ROMO1: variants seen among roughly 807,000 people sequenced by gnomAD.
ROMO1 encodes the protein PCM19.
In ROMO1, 8 loss-of-function variants were observed where a neutral mutation model predicts 7.4. That is an observed-to-expected ratio of 1.08 (90% CI 0.63 to 1.95). The LOEUF (loss-of-function observed/expected upper bound fraction) is 1.95, where lower values mean the gene tolerates loss of function less well. Among genes scored for constraint, ROMO1 ranks in the 30% most tolerant of loss-of-function variants. The pLI, the probability that ROMO1 is intolerant of heterozygous loss-of-function variation, is 0.00. For missense variants in ROMO1, 91 were observed against 115.9 expected (o/e 0.79, Z 0.99); for synonymous variants, 43 against 41.4 (o/e 1.04, Z -0.15).
rs1362837408 is a variant in ROMO1 at position 35,700,909 on chromosome 20, A to T, written c.*3A>T. The T allele has an allele frequency of 6.2e-7, 1 of 1,602,952 alleles. No homozygotes were observed. Among genetic ancestry groups the T allele is most frequent in the Non-Finnish European group, 8.5e-7 (1 of 1,169,808 alleles). On this transcript the variant is annotated 3_prime_UTR_variant, in exon 3 of 3. Transcript: ENST00000374077. Reference sequence around the variant, plus strand: ...TTGGGATGGGCATCCGATGCTAACCATGGTTGCCAACTACATCTGTCCCTT... The same window carrying T: ...TTGGGATGGGCATCCGATGCTAACCTTGGTTGCCAACTACATCTGTCCCTT...
rs1458476210 is a variant in ROMO1 at position 35,699,446 on chromosome 20, A to G, written c.-11A>G. 8.5e-7 allele frequency: 1 copy of G among 1,171,188 alleles called. No homozygotes were observed. The highest frequency in any genetic ancestry group is 1.2e-6 in the Non-Finnish European group (1 of 854,664). 72.5% of individuals were successfully genotyped at this position (1,171,188 alleles called of 1,614,324 possible). On this transcript the variant is annotated 5_prime_UTR_variant, in exon 1 of 3. Transcript: ENST00000374077. The surrounding 1 kb of genome is among the most constrained non-coding windows in gnomAD (Gnocchi z 4.4). ...GTAGAGCTGAGCGACCCAGCCCGCGAGCGAGGTGAGGTAGGCGCCGGGCGA... is the reference window on the plus strand; with the variant it reads ...GTAGAGCTGAGCGACCCAGCCCGCGGGCGAGGTGAGGTAGGCGCCGGGCGA...
chr20:35,700,592 C>T (rs1167522917), intron 2 of ROMO1, among the ~76,000 whole-genome samples: 1 of 152,312 alleles, frequency 6.6e-6, no homozygotes, highest in East Asian at 1.9e-4. Flanking sequence ...GTTAATACGA[C>T]ATCCACCAGA....
At chr20:35,700,016 G>A (rs1485367949) in intron 2 of ROMO1, among the ~76,000 whole-genome samples, 1 of 152,224 alleles carries the variant, frequency 6.6e-6, no homozygotes, top group Non-Finnish European at 1.5e-5. Context: ...GCAAGTTGGA[G>A]ACTGGGTTTC....
At position 35,700,964 on chromosome 20, in the gene ROMO1, AAG is replaced by A; in HGVS notation, c.*60_*61del. ...TCAATCCCAGCCCATGTACTAATAA[AAG>A]AAAGTCTTTGAGTAGTCAGTGTCCC... On this transcript the variant is annotated 3_prime_UTR_variant, in exon 3 of 3. Transcript: ENST00000374077. The A allele has an allele frequency of 8.0e-7, 1 of 1,254,260 alleles. No individual in the cohort carries two copies. The highest frequency in any genetic ancestry group is 1.5e-5 in the African/African-American group (1 of 68,228). The allele number at this position is 1,254,260 out of a possible 1,614,324, so 77.7% of individuals were successfully genotyped here.
chr20:35,700,676 G>GT (rs2035247647), intron 2 of ROMO1, 122 bp from the exon 3 acceptor site: 2 of 738,766 alleles, frequency 2.7e-6, no homozygotes, highest in Non-Finnish European at 4.9e-6. Context: ...ATAATATCCA[G>GT]TAAGTGGAAA....
intron 2 of ROMO1, 97 bp from the exon 3 acceptor site, chr20:35,700,701 T>A: frequency 2.3e-6 from 2 of 876,274 alleles, no homozygotes; most frequent in Non-Finnish European, 3.9e-6. Context: ...GATGTAGGGG[T>A]TGCTAGACTA....
intron 2 of ROMO1, among the ~76,000 whole-genome samples, chr20:35,700,597 A>G (rs1003686803): frequency 2.0e-5 from 3 of 152,174 alleles, no homozygotes; most frequent in Admixed American, 1.3e-4. Context: ...TACGACATCC[A>G]CCAGAAAAAT....
At chr20:35,700,641 C>T (rs2035246340) in intron 2 of ROMO1, 157 bp from the exon 3 acceptor site, 2 of 647,260 alleles carry the variant, frequency 3.1e-6, no homozygotes, top group Admixed American at 2.4e-5. Flanking sequence ...TTTTCCTTCT[C>T]ATTACCCACC....
chr20:35,700,122 C>T (rs2035230332), intron 2 of ROMO1, among the ~76,000 whole-genome samples: 1 of 152,148 alleles, frequency 6.6e-6, no homozygotes, highest in African/African-American at 2.4e-5. Flanking sequence ...ATTAAGTGCT[C>T]AGTAACTAGT....
chr20:35,699,424 G>A lies in ROMO1; in HGVS notation c.-33G>A. 5.0e-6 allele frequency: 6 copies of A among 1,189,392 alleles called. No homozygotes were observed. Among genetic ancestry groups the A allele is most frequent in the South Asian group, 1.6e-5 (1 of 63,942 alleles). 73.7% of individuals were successfully genotyped at this position (1,189,392 alleles called of 1,614,324 possible). A position where few individuals can be genotyped will look rare whatever the true frequency, so the allele number is the denominator to read the frequency against. ...CCCGTCGTTTTCCGTGAGAGACGTA[G>A]AGCTGAGCGACCCAGCCCGCGAGCG... On this transcript the variant is annotated 5_prime_UTR_variant, in exon 1 of 3. Transcript: ENST00000374077. The surrounding 1 kb of genome is among the most constrained non-coding windows in gnomAD (Gnocchi z 4.4).
Position 35,699,958 on chromosome 20 carries a change from G to C in ROMO1, c.131+195G>C, listed in dbSNP as rs942795187. ...TCAGTGCTTAAGAATTTGAGCTTTA[G>C]AGTCAAAATGCTTTCTGGCCCTTTT... On this transcript the variant is annotated intron_variant, in intron 2 of 2. Transcript: ENST00000374077. This position sits in a 1 kb window ranked among gnomAD's most constrained non-coding sequence, Gnocchi z 4.4. Among the ~76,000 whole-genome samples the C allele has an allele frequency of 1.3e-5, 2 of 152,224 alleles. No homozygotes were observed. The highest frequency in any genetic ancestry group is 4.8e-5 in the African/African-American group (2 of 41,452).
intron 2 of ROMO1, among the ~76,000 whole-genome samples, chr20:35,700,304 T>C (rs6060566): frequency 0.19 from 28,433 of 152,104 alleles, 3,060 homozygotes; most frequent in African/African-American, 0.31. Context: ...TTGTAAATTA[T>C]CATTTACAGA....
In ROMO1 at chr20:35,700,848, T is replaced by G; in HGVS notation, c.182T>G (p.Met61Arg). The change falls in exon 3 of 3, where the codon ATG (methionine) becomes AGG (arginine). Residue 61 changes from methionine to arginine, a missense_variant. Coordinates refer to ENST00000374077, the MANE Select transcript of ROMO1 (RefSeq NM_080748.3). ...ELMGGIGKTM[M>R]QSGGTFGTFM... ...ATGGGCGGCATTGGGAAAACCATGATGCAGAGTGGCGGCACCTTTGGCACA... is the reference window on the plus strand; with the variant it reads ...ATGGGCGGCATTGGGAAAACCATGAGGCAGAGTGGCGGCACCTTTGGCACA... 1 of 1,614,248 alleles carries G rather than the reference T, an allele frequency of 6.2e-7. No homozygotes were observed. Among genetic ancestry groups the G allele is most frequent in the Non-Finnish European group, 8.5e-7 (1 of 1,180,038 alleles).
intron 2 of ROMO1, among the ~76,000 whole-genome samples, chr20:35,700,108 A>G (rs1479144348): frequency 6.6e-6 from 1 of 152,220 alleles, no homozygotes; most frequent in African/African-American, 2.4e-5. Flanking sequence ...AGCATCTGGC[A>G]CATATTAAGT....
rs765985513 is a variant in ROMO1 at position 35,699,651 on chromosome 20, C to A, written c.19C>A (p.Pro7Thr). Reference protein sequence around the residue: MPVAVGPYGQSQPSCFD... With the variant: MPVAVGTYGQSQPSCFD... ...CCCGCAGATGCCGGTGGCCGTGGGTCCCTACGGACAGTCCCAGCCAAGCTG... is the reference window on the plus strand; with the variant it reads ...CCCGCAGATGCCGGTGGCCGTGGGTACCTACGGACAGTCCCAGCCAAGCTG... Residue 7 changes from proline (P) to threonine (T), a missense_variant, in exon 2 of 3, where the codon CCC becomes ACC. By Grantham distance (38) the Pro-to-Thr change is conservative (BLOSUM62 -1). Coordinates refer to ENST00000374077, the MANE Select transcript of ROMO1 (RefSeq NM_080748.3). The surrounding 1 kb of genome is among the most constrained non-coding windows in gnomAD (Gnocchi z 4.4). 76 of 1,613,402 alleles carry A rather than the reference C, an allele frequency of 4.7e-5. No individual in the cohort carries two copies. The Admixed American group carries it at 1.2e-3, about 25-fold the overall frequency.
At position 35,699,637 on chromosome 20, in the gene ROMO1, C is replaced by T. The variant is rs761344222; in HGVS notation, c.5C>T (p.Pro2Leu). ...ACACTTTCCTATCCCCCGCAGATGC[C>T]GGTGGCCGTGGGTCCCTACGGACAG... Reference protein sequence around the residue: MPVAVGPYGQSQ... With the variant: MLVAVGPYGQSQ... Residue 2 changes from proline to leucine, a missense_variant, in exon 2 of 3, where the codon CCG becomes CTG. By Grantham distance (98) the Pro-to-Leu change is moderately conservative (BLOSUM62 -3). Transcript: ENST00000374077. This position sits in a 1 kb window ranked among gnomAD's most constrained non-coding sequence, Gnocchi z 4.4. 4 of 1,613,046 alleles carry T rather than the reference C, an allele frequency of 2.5e-6. No homozygotes were observed. Among genetic ancestry groups the T allele is most frequent in the South Asian group, 2.2e-5 (2 of 91,084 alleles).
chr20:35,699,764 G>T lies in ROMO1; in HGVS notation c.131+1G>T. The T allele has an allele frequency of 1.2e-6, 2 of 1,607,038 alleles. No homozygotes were observed. Among genetic ancestry groups the T allele is most frequent in the Non-Finnish European group, 8.5e-7 (1 of 1,179,126 alleles). ...TCTTCGGCACCTTTTCCTGTCTCAG[G>T]TGAGGGGCGCGGGCGGTGATCTCTG... is the stretch of plus-strand genomic sequence containing the variant. On this transcript the variant is annotated splice_donor_variant, in intron 2 of 2. Transcript: ENST00000374077. LOFTEE classifies it high-confidence loss of function. The surrounding 1 kb of genome is among the most constrained non-coding windows in gnomAD (Gnocchi z 4.4).
In ROMO1 at chr20:35,700,885, T is replaced by C. The variant is rs781675041; in HGVS notation, c.219T>C (p.Ile73=). 7 of 1,612,972 alleles carry C rather than the reference T, an allele frequency of 4.3e-6. No individual in the cohort carries two copies. The highest frequency in any genetic ancestry group is 2.7e-5 in the African/African-American group (2 of 74,914). ...GCACCTTTGGCACATTCATGGCCAT[T>C]GGGATGGGCATCCGATGCTAACCAT... ...SGGTFGTFMA[I]GMGIRC Residue 73 remains isoleucine (I), a synonymous_variant, in exon 3 of 3, where the codon ATT becomes ATC. Transcript: ENST00000374077.
intron 2 of ROMO1, among the ~76,000 whole-genome samples, chr20:35,700,488 T>C (rs1423985360): frequency 6.6e-6 from 1 of 152,154 alleles, no homozygotes; most frequent in Admixed American, 6.5e-5. Context: ...CAGATGTCTT[T>C]ATTGGGTCTT....
Sources: allele counts gnomAD v4.1 joint callset (sites outside exome capture counted in the v4.1 genomes callset), GRCh38; gene constraint gnomAD v4.1.1; non-coding constraint Gnocchi (gnomAD v3.1); transcripts MANE v1.5; gene names NCBI Gene and HGNC (gene_info 2026-07-23, HGNC 2026-07-21).